Variants in PKP4 observed in about 807,000 individuals in gnomAD.
The protein encoded by PKP4 is plakophilin 4.
A neutral mutation model predicts 145.1 loss-of-function variants in PKP4; 90 were observed. That is an observed-to-expected ratio of 0.62 (90% CI 0.52 to 0.74). The LOEUF (loss-of-function observed/expected upper bound fraction) is 0.74, where lower values mean the gene tolerates loss of function less well. Ranked by LOEUF, PKP4 falls within the 30% of genes least tolerant of loss-of-function variation. The pLI is 0.00. For missense variants in PKP4, 1,340 were observed against 1,482.7 expected (o/e 0.90, Z 1.58); for synonymous variants, 563 against 577.2 (o/e 0.98, Z 0.35).
chr2:158,489,545 T>C (rs768602577), intron 1 of PKP4, among the ~76,000 whole-genome samples: 2 of 152,174 alleles, frequency 1.3e-5, no homozygotes, highest in African/African-American at 4.8e-5. Context: ...GAATGCTGAT[T>C]TGGGGCTTCC....
chr2:158,678,053 A>ATACTT (rs1326183905), intron 20 of PKP4, among the ~76,000 whole-genome samples: 1 of 152,176 alleles, frequency 6.6e-6, no homozygotes, highest in Non-Finnish European at 1.5e-5. Context: ...GTATTAAAAC[A>ATACTT]TACTTAAATA....
chr2:158,543,606 AG>A (rs1271628692), intron 2 of PKP4, among the ~76,000 whole-genome samples: 2 of 152,244 alleles, frequency 1.3e-5, no homozygotes, highest in Non-Finnish European at 2.9e-5. Context: ...ATACTAGAGT[AG>A]TATTTGAAAT....
At chr2:158,556,301 T>G (rs940442392) in intron 2 of PKP4, among the ~76,000 whole-genome samples, 22 of 152,310 alleles carry the variant, frequency 1.4e-4, no homozygotes, top group African/African-American at 4.8e-4. Flanking sequence ...GCTCGGTGTG[T>G]TGTAATCAAG....
Position 158,663,464 on chromosome 2 carries a change from A to G in PKP4, c.2577+19A>G, listed in dbSNP as rs2056794979. The G allele has an allele frequency of 1.3e-6, 2 of 1,594,716 alleles. No individual in the cohort carries two copies. Among genetic ancestry groups the G allele is most frequent in the East Asian group, 4.5e-5 (2 of 44,774 alleles). ...CTGGAAGGTAGGATGACTTCCACTT[A>G]TCTACACTTCTTTCCATCTTTGCAA... On this transcript the variant is annotated intron_variant, in intron 15 of 21. Coordinates refer to ENST00000389759, the MANE Select transcript of PKP4 (RefSeq NM_003628.6).
chr2:158,509,476 T>C (rs1355883856), intron 1 of PKP4, among the ~76,000 whole-genome samples: 3 of 152,192 alleles, frequency 2.0e-5, no homozygotes, highest in Non-Finnish European at 4.4e-5. Flanking sequence ...TCATTTAATC[T>C]GAACAGGTGA....
chr2:158,624,268 G>A (rs539989853), intron 6 of PKP4, among the ~76,000 whole-genome samples: 25 of 152,278 alleles, frequency 1.6e-4, no homozygotes, highest in African/African-American at 2.6e-4. Context: ...GCTGTTCCCC[G>A]AAGTAAATTC....
chr2:158,565,668 T>TGGAC (rs1333497726), intron 2 of PKP4, among the ~76,000 whole-genome samples: 2 of 152,118 alleles, frequency 1.3e-5, no homozygotes, highest in Non-Finnish European at 1.5e-5. Context: ...AGAGCACTTG[T>TGGAC]GGACCCAAAG....
intron 1 of PKP4, among the ~76,000 whole-genome samples, chr2:158,478,599 T>C (rs1192768462): frequency 6.6e-6 from 1 of 152,244 alleles, no homozygotes; most frequent in Non-Finnish European, 1.5e-5. Context: ...CAGTGATGGC[T>C]TAAACCTTAA....
At chr2:158,536,225 AAACTT>A (rs1258122053) in intron 2 of PKP4, among the ~76,000 whole-genome samples, 1 of 152,230 alleles carries the variant, frequency 6.6e-6, no homozygotes, top group Non-Finnish European at 1.5e-5. Flanking sequence ...TGCAGACACT[AAACTT>A]TAAAAACTTC....
chr2:158,489,421 T>G (rs1005936245), intron 1 of PKP4, among the ~76,000 whole-genome samples: 1 of 152,216 alleles, frequency 6.6e-6, no homozygotes, highest in African/African-American at 2.4e-5. Flanking sequence ...CAGAATTCCT[T>G]GCTAGAAGAA....
chr2:158,518,900 A>AT (rs1407514426), intron 1 of PKP4, among the ~76,000 whole-genome samples: 1 of 152,070 alleles, frequency 6.6e-6, no homozygotes, highest in Non-Finnish European at 1.5e-5. Context: ...AACATATATA[A>AT]TTTTTTCTTT....
At chr2:158,622,215 A>C (rs558316105) in intron 6 of PKP4, among the ~76,000 whole-genome samples, 1 of 152,326 alleles carries the variant, frequency 6.6e-6, no homozygotes, top group South Asian at 2.1e-4. Context: ...CTTTTCTTTT[A>C]CTAGATAGAA....
At chr2:158,568,392 T>G (rs961915369) in intron 2 of PKP4, among the ~76,000 whole-genome samples, 2 of 152,192 alleles carry the variant, frequency 1.3e-5, no homozygotes, top group Non-Finnish European at 2.9e-5. Context: ...CTTTAAGAAG[T>G]TCCCAGGTGG....
chr2:158,645,954 A>G (rs2054787501), intron 11 of PKP4, among the ~76,000 whole-genome samples: 1 of 152,192 alleles, frequency 6.6e-6, no homozygotes, highest in African/African-American at 2.4e-5. Context: ...CCTGGAGCAC[A>G]CTCTGGAATT....
chr2:158,658,255 T>C lies in PKP4; in HGVS notation c.2034T>C (p.Asp678=). 1 of 1,607,800 alleles carries C rather than the reference T, an allele frequency of 6.2e-7. No homozygotes were observed. The highest frequency in any genetic ancestry group is 8.5e-7 in the Non-Finnish European group (1 of 1,174,910). The part of the protein sequence containing the change: ...HSGWNNSSFD[D]DHKIKFQTSL... ...GATGGAATAACTCTTCTTTTGATGA[T>C]GATCATAAAATTAAATTTCAGACTT... Residue 678 remains aspartate (D), a synonymous_variant, in exon 12 of 22, where the codon GAT becomes GAC. Transcript: ENST00000389759.
intron 4 of PKP4, 62 bp from the exon 5 acceptor site, chr2:158,620,927 CT>C (rs3835023): frequency 2.7e-6 from 4 of 1,470,380 alleles, no homozygotes; most frequent in Non-Finnish European, 3.8e-6. Flanking sequence ...ACATCTGAAC[CT>C]TTTTTAGCAA....
chr2:158,559,413 C>A (rs2046342821), intron 2 of PKP4, among the ~76,000 whole-genome samples: 1 of 152,092 alleles, frequency 6.6e-6, no homozygotes, highest in Non-Finnish European at 1.5e-5. Flanking sequence ...CAGGCAGGCA[C>A]TGTCCCAGGC....
rs751174988 is a variant in PKP4 at position 158,662,907 on chromosome 2, A to G, written c.2222A>G (p.Asn741Ser). 4 of 1,600,376 alleles carry G rather than the reference A, an allele frequency of 2.5e-6. No homozygotes were observed. Among genetic ancestry groups the G allele is most frequent in the Non-Finnish European group, 3.4e-6 (4 of 1,174,850 alleles). The change falls in exon 14 of 22, where the codon AAC (asparagine) becomes AGC (serine). Residue 741 changes from asparagine to serine, a missense_variant. Coordinates refer to ENST00000389759, the MANE Select transcript of PKP4 (RefSeq NM_003628.6). ...CATGCTGGGTTTCAGACGGTGGAGA[A>G]CTGCGTGTGCACCCTGAGGAACCTG... ...TSDYDSKTVE[N>S]CVCTLRNLSY...
intron 1 of PKP4, among the ~76,000 whole-genome samples, chr2:158,532,882 C>G (rs1203786058): frequency 6.6e-6 from 1 of 152,202 alleles, no homozygotes; most frequent in Non-Finnish European, 1.5e-5. Flanking sequence ...AAAACCTCTT[C>G]TGCAATTGGT....
Sources: allele counts gnomAD v4.1 joint callset (sites outside exome capture counted in the v4.1 genomes callset), GRCh38; gene constraint gnomAD v4.1.1; transcripts MANE v1.5; gene names NCBI Gene and HGNC (gene_info 2026-07-23, HGNC 2026-07-21).